Variants in ACVR1C observed in about 807,000 individuals in gnomAD.
ACVR1C encodes activin A receptor type 1C.
A neutral mutation model predicts 57.9 loss-of-function variants in ACVR1C; 23 were observed. That is an observed-to-expected ratio of 0.40 (90% confidence interval 0.29 to 0.56). The LOEUF (loss-of-function observed/expected upper bound fraction) is 0.56. ACVR1C is among the 20% of genes least tolerant of loss of function. ACVR1C has a pLI of 0.50. For synonymous variants in ACVR1C, 214 were observed against 215.3 expected (o/e 0.99, Z 0.05); for missense variants, 480 against 607.9 (o/e 0.79, Z 2.21).
chr2:157,610,953 T>G (rs1682518059), intron 1 of ACVR1C, among the ~76,000 whole-genome samples: 2 of 152,280 alleles, frequency 1.3e-5, no homozygotes, highest in East Asian at 3.9e-4. Context: ...TGTACTATTT[T>G]TCAAAGTTCT....
chr2:157,529,830 T>C lies in ACVR1C; in HGVS notation c.*4088A>G, dbSNP rs1687316367. 1 of 152,108 alleles carries C rather than the reference T, an allele frequency of 6.6e-6. No homozygotes were observed. The highest frequency in any genetic ancestry group is 6.6e-5 in the Admixed American group (1 of 15,250). 9.4% of individuals were successfully genotyped at this position (152,108 alleles called of 1,614,324 possible). A position where few individuals can be genotyped will look rare whatever the true frequency, so the allele number is the denominator to read the frequency against. On this transcript the variant is annotated 3_prime_UTR_variant, in exon 9 of 9. Coordinates refer to ENST00000243349, the MANE Select transcript of ACVR1C (RefSeq NM_145259.3). ...AAAAAAAGAAAGTCAAATATCTATA[T>C]ATTTTCATTAAAATGTTTTGAAAAA...
At chr2:157,563,149 G>T (rs1035951710) in intron 2 of ACVR1C, among the ~76,000 whole-genome samples, 1 of 152,134 alleles carries the variant, frequency 6.6e-6, no homozygotes, top group Non-Finnish European at 1.5e-5. Flanking sequence ...GAAATAAAGC[G>T]TATTCAAATA....
chr2:157,541,547 A>G (rs1262772831), intron 6 of ACVR1C, among the ~76,000 whole-genome samples: 2 of 152,186 alleles, frequency 1.3e-5, no homozygotes, highest in African/African-American at 4.8e-5. Flanking sequence ...AGAATACTGA[A>G]GTGAGGATGC....
intron 8 of ACVR1C, among the ~76,000 whole-genome samples, chr2:157,538,158 T>G (rs1403589937): frequency 6.6e-6 from 1 of 152,144 alleles, no homozygotes; most frequent in Admixed American, 6.6e-5. Context: ...GTGGAAAAGA[T>G]GTGTGTCACC....
chr2:157,543,787 A>C lies in ACVR1C; in HGVS notation c.943+658T>G, dbSNP rs541787632. Among the ~76,000 whole-genome samples, 3 of 152,310 alleles carry C rather than the reference A, an allele frequency of 2.0e-5. No homozygotes were observed. In the South Asian group the frequency reaches 6.2e-4, roughly 32 times the overall value. ...CAAATATTTTTTTCAAAATCATATT[A>C]TACTTTCCAATTACTTTTTAATTAT... On this transcript the variant is annotated intron_variant, in intron 5 of 8. Transcript: ENST00000243349.
chr2:157,575,734 T>C (rs1419161805), intron 2 of ACVR1C, among the ~76,000 whole-genome samples: 2 of 152,230 alleles, frequency 1.3e-5, no homozygotes, highest in East Asian at 3.8e-4. Context: ...AGTTCTCCCG[T>C]GAAATGGGTA....
intron 1 of ACVR1C, among the ~76,000 whole-genome samples, chr2:157,588,262 CACACAA>C (rs1688975200): frequency 1.3e-5 from 2 of 149,966 alleles, no homozygotes; most frequent in South Asian, 4.2e-4. Flanking sequence ...CACACACACA[CACACAA>C]ACACATTCAC....
chr2:157,577,189 C>T (rs1031063356), intron 2 of ACVR1C, among the ~76,000 whole-genome samples: 1 of 151,974 alleles, frequency 6.6e-6, no homozygotes, highest in Non-Finnish European at 1.5e-5. Flanking sequence ...TTTTTACTGC[C>T]CATTTTATAA....
At chr2:157,562,304 A>AT (rs200534482) in intron 2 of ACVR1C, among the ~76,000 whole-genome samples, 8,606 of 111,422 alleles carry the variant, frequency 0.077, 328 homozygotes, top group Non-Finnish European at 0.11. Context: ...AAAAAAAAAA[A>AT]AATATATATA....
At position 157,534,086 on chromosome 2, in the gene ACVR1C, C is replaced by T. The variant is rs750690414; in HGVS notation, c.1357-43G>A. On this transcript the variant is annotated intron_variant, in intron 8 of 8. Coordinates refer to ENST00000243349, the MANE Select transcript of ACVR1C (RefSeq NM_145259.3). ...AAAATCAAAGACTTTAGCTACTCTACATAAAACAGAGCACAAAAGAAGTAA... is the reference window on the plus strand; with the variant it reads ...AAAATCAAAGACTTTAGCTACTCTATATAAAACAGAGCACAAAAGAAGTAA... 16 of 1,427,212 alleles carry T rather than the reference C, an allele frequency of 1.1e-5. No individual in the cohort carries two copies. In the East Asian group the frequency reaches 3.6e-4, roughly 33 times the overall value. The allele number at this position is 1,427,212 out of a possible 1,614,324, so 88.4% of individuals were successfully genotyped here. A position where few individuals can be genotyped will look rare whatever the true frequency, so the allele number is the denominator to read the frequency against.
Position 157,541,122 on chromosome 2 carries a change from T to G in ACVR1C, c.1193A>C (p.Tyr398Ser). 6.2e-7 allele frequency: 1 copy of G among 1,614,054 alleles called. No homozygotes were observed. The highest frequency in any genetic ancestry group is 8.5e-7 in the Non-Finnish European group (1 of 1,179,986). The change falls in exon 7 of 9, where the codon TAC (tyrosine) becomes TCC (serine). Residue 398 changes from tyrosine to serine, a missense_variant. Tyr to Ser is a moderately radical substitution (Grantham distance 144). Transcript: ENST00000243349. The part of the protein sequence containing the change: ...RADIYSVGLV[Y>S]WEIARRCSVG... ...TGAACACCTCCGGGCTATTTCCCAG[T>G]AAACCAGACCAACAGAATAGATGTC...
At chr2:157,619,435 A>G (rs1682718526) in intron 1 of ACVR1C, among the ~76,000 whole-genome samples, 2 of 152,004 alleles carry the variant, frequency 1.3e-5, no homozygotes, top group Admixed American at 1.3e-4. Context: ...TTAAATATGT[A>G]TATTAGAAGA....
chr2:157,576,474 G>A (rs1266652183), intron 2 of ACVR1C, among the ~76,000 whole-genome samples: 1 of 152,058 alleles, frequency 6.6e-6, no homozygotes, highest in Non-Finnish European at 1.5e-5. Flanking sequence ...AAAGTGCTGG[G>A]ATTACAGGCA....
At chr2:157,546,684 T>C (rs1249935900) in intron 4 of ACVR1C, among the ~76,000 whole-genome samples, 1 of 152,006 alleles carries the variant, frequency 6.6e-6, no homozygotes, top group South Asian at 2.1e-4. Context: ...GGGGCACTAA[T>C]GAACAGTTAG....
intron 2 of ACVR1C, among the ~76,000 whole-genome samples, chr2:157,582,923 A>G (rs1688824856): frequency 6.6e-6 from 1 of 152,170 alleles, no homozygotes; most frequent in Non-Finnish European, 1.5e-5. Flanking sequence ...TCTGTCACCC[A>G]GACTGGAGTG....
Position 157,528,328 on chromosome 2 carries a change from A to G in ACVR1C, c.*5590T>C, listed in dbSNP as rs1382175484. The G allele has an allele frequency of 6.6e-6, 1 of 152,178 alleles. No individual in the cohort carries two copies. The highest frequency in any genetic ancestry group is 6.6e-5 in the Admixed American group (1 of 15,258). The allele number at this position is 152,178 out of a possible 1,614,324, so 9.4% of individuals were successfully genotyped here. A position where few individuals can be genotyped will look rare whatever the true frequency, so the allele number is the denominator to read the frequency against. On this transcript the variant is annotated 3_prime_UTR_variant, in exon 9 of 9. Coordinates refer to ENST00000243349, the MANE Select transcript of ACVR1C (RefSeq NM_145259.3). ...TGGCCCTATTAAAATTCAGATTAAC[A>G]TAACCCACAGTAAACTCTTGCAGTT... is the stretch of plus-strand genomic sequence containing the variant.
chr2:157,609,983 G>A (rs1383195512), intron 1 of ACVR1C, among the ~76,000 whole-genome samples: 2 of 151,914 alleles, frequency 1.3e-5, no homozygotes, highest in Non-Finnish European at 2.9e-5. Context: ...GTGAGGTTTT[G>A]TTCCTGTCAT....
intron 1 of ACVR1C, among the ~76,000 whole-genome samples, chr2:157,616,003 A>C (rs966583450): frequency 2.6e-5 from 4 of 152,088 alleles, no homozygotes; most frequent in Non-Finnish European, 4.4e-5. Context: ...GGAGGAGAGA[A>C]ATTTGTCTGG....
chr2:157,540,516 C>T (rs932405436), intron 7 of ACVR1C, among the ~76,000 whole-genome samples: 7 of 152,034 alleles, frequency 4.6e-5, no homozygotes, highest in African/African-American at 1.7e-4. Flanking sequence ...AGGCTGGTCT[C>T]GAACTCCCGA....
Sources: gnomAD v4.1 joint callset for allele counts (sites outside exome capture counted in the v4.1 genomes callset) on GRCh38, gnomAD v4.1.1 for gene constraint, MANE v1.5 for transcripts, NCBI Gene and HGNC (gene_info 2026-07-23, HGNC 2026-07-21) for gene names.